Variants in SLC2A13 observed in about 807,000 individuals in gnomAD.
The protein encoded by SLC2A13 is proton myo-inositol cotransporter.
SLC2A13 carries 32 observed loss-of-function variants against 64.4 expected under a neutral mutation model. The ratio of observed to expected loss-of-function variants is 0.50; its 90% CI spans 0.37 to 0.67. The LOEUF (loss-of-function observed/expected upper bound fraction) is 0.67, where lower values mean the gene tolerates loss of function less well. Ranked by LOEUF, SLC2A13 falls within the 30% of genes least tolerant of loss-of-function variation. The pLI, the probability that SLC2A13 is intolerant of heterozygous loss-of-function variation, is 0.00. For missense variants in SLC2A13, 743 were observed against 829.2 expected, an observed-to-expected ratio of 0.90 and a Z score of 1.28; for synonymous variants, 338 against 327.1, an observed-to-expected ratio of 1.03 and a Z score of -0.36.
intron 4 of SLC2A13, among the ~76,000 whole-genome samples, chr12:39,912,161 C>A (rs571325226): frequency 3.9e-4 from 60 of 152,154 alleles, no homozygotes; most frequent in Non-Finnish European, 7.2e-4. Flanking sequence ...TCCAAAGGTT[C>A]TGATCATTTA....
At chr12:40,099,812 G>T (rs563858418) in intron 1 of SLC2A13, among the ~76,000 whole-genome samples, 1 of 151,968 alleles carries the variant, frequency 6.6e-6, no homozygotes, top group East Asian at 1.9e-4. Context: ...GGCTTTATGT[G>T]TCAGTTTCAC....
rs1592155294 is a variant in SLC2A13 at position 39,806,949 on chromosome 12, G to GA, written c.1445+23153dup. 2.6e-5 allele frequency among the ~76,000 whole-genome samples: 4 copies of GA among 152,008 alleles called. No individual in the cohort carries two copies. In the East Asian group the frequency reaches 7.7e-4, roughly 29 times the overall value. On this transcript the variant is annotated intron_variant, in intron 7 of 9. Coordinates refer to ENST00000280871, the MANE Select transcript of SLC2A13 (RefSeq NM_052885.4). ...ATGAATCTCCAGAGAATTATGCTGA[G>GA]AAAAAAGCCAGTCCCCAAAGATTAC...
intron 1 of SLC2A13, among the ~76,000 whole-genome samples, chr12:40,061,448 A>T (rs1035502501): frequency 1.3e-5 from 2 of 152,130 alleles, no homozygotes; most frequent in Admixed American, 6.6e-5. Flanking sequence ...GAGGCAAAAA[A>T]CATAACTAGA....
At position 39,759,846 on chromosome 12, in the gene SLC2A13, T is replaced by C. The variant is rs1007607376; in HGVS notation, c.*180A>G. The C allele has an allele frequency of 2.7e-5, 15 of 565,288 alleles. No homozygotes were observed. The highest frequency in any genetic ancestry group is 2.5e-4 in the African/African-American group (13 of 52,934). The allele number at this position is 565,288 out of a possible 1,614,324, so 35.0% of individuals were successfully genotyped here. ...TAAATATTTTTTAAAATATTGTTCC[T>C]TGTGGAAAAAAAAAGTCATCATGGT... On this transcript the variant is annotated 3_prime_UTR_variant, in exon 10 of 10. Transcript: ENST00000280871.
chr12:39,894,459 T>G (rs1944688700), intron 4 of SLC2A13, among the ~76,000 whole-genome samples: 1 of 152,176 alleles, frequency 6.6e-6, no homozygotes, highest in Non-Finnish European at 1.5e-5. Context: ...AAGGACTTAC[T>G]CAATATAAAG....
chr12:39,860,430 C>T (rs1943728182), intron 6 of SLC2A13, among the ~76,000 whole-genome samples: 1 of 152,140 alleles, frequency 6.6e-6, no homozygotes. Flanking sequence ...TAGTTGTGAA[C>T]AAGATGTTGC....
At chr12:39,908,971 A>G (rs560230097) in intron 4 of SLC2A13, among the ~76,000 whole-genome samples, 3 of 151,840 alleles carry the variant, frequency 2.0e-5, no homozygotes, top group Non-Finnish European at 4.4e-5. Flanking sequence ...AGGATTTAAA[A>G]AATTAATAAG....
At chr12:40,027,841 G>A (rs1947841492) in intron 3 of SLC2A13, among the ~76,000 whole-genome samples, 1 of 152,144 alleles carries the variant, frequency 6.6e-6, no homozygotes, top group African/African-American at 2.4e-5. Context: ...GAATTGTTTG[G>A]TACATTTCTA....
chr12:39,859,776 T>A (rs1191352537), intron 6 of SLC2A13, among the ~76,000 whole-genome samples: 1 of 152,160 alleles, frequency 6.6e-6, no homozygotes, highest in Admixed American at 6.5e-5. Flanking sequence ...TCCGCCTGAC[T>A]TGGCCTCCCA....
rs375663798 is a variant in SLC2A13 at position 39,799,403 on chromosome 12, C to A, written c.1445+30700G>T. On this transcript the variant is annotated intron_variant, in intron 7 of 9. Transcript: ENST00000280871. ...GGAATTACAGGCATGAGCCACTAAG[C>A]TCAGTCTGTTCTGTTCTTTAATCTC... 5.7e-4 allele frequency among the ~76,000 whole-genome samples: 86 copies of A among 151,992 alleles called. No homozygotes were observed. In the South Asian group the frequency reaches 0.018, roughly 31 times the overall value.
chr12:39,886,176 C>T (rs1944460611), intron 4 of SLC2A13, among the ~76,000 whole-genome samples: 1 of 152,122 alleles, frequency 6.6e-6, no homozygotes, highest in South Asian at 2.1e-4. Context: ...AATTTTTTAA[C>T]AGCAGAGGAA....
At chr12:39,764,692 G>A (rs1940285378) in intron 8 of SLC2A13, 45 bp downstream of exon 8, 1 of 1,594,272 alleles carries the variant, frequency 6.3e-7, no homozygotes, top group African/African-American at 1.4e-5. Flanking sequence ...ACTCCAAAAA[G>A]AGGCAATTCA....
intron 5 of SLC2A13, among the ~76,000 whole-genome samples, chr12:39,867,815 A>T (rs992694825): frequency 6.6e-5 from 10 of 152,170 alleles, no homozygotes; most frequent in African/African-American, 1.7e-4. Flanking sequence ...CAACCTCTGA[A>T]TCAGAGTCTC....
chr12:39,941,872 T>C (rs892509853), intron 4 of SLC2A13, among the ~76,000 whole-genome samples: 3 of 152,252 alleles, frequency 2.0e-5, no homozygotes, highest in Non-Finnish European at 2.9e-5. Flanking sequence ...TAATCCATTT[T>C]GAGTTGATTT....
chr12:39,920,878 T>C (rs1367125440), intron 4 of SLC2A13, among the ~76,000 whole-genome samples: 1 of 152,042 alleles, frequency 6.6e-6, no homozygotes, highest in African/African-American at 2.4e-5. Context: ...TGCCAAAAGC[T>C]AGCGACACAT....
chr12:39,910,399 TGAG>T (rs1945403248), intron 4 of SLC2A13, among the ~76,000 whole-genome samples: 1 of 152,152 alleles, frequency 6.6e-6, no homozygotes, highest in Non-Finnish European at 1.5e-5. Context: ...AGGTTTTTTT[TGAG>T]GATATAACCA....
At chr12:40,022,714 T>C (rs1213017442) in intron 3 of SLC2A13, among the ~76,000 whole-genome samples, 1 of 152,072 alleles carries the variant, frequency 6.6e-6, no homozygotes, top group Non-Finnish European at 1.5e-5. Context: ...GGTGCATGCC[T>C]GTAGTCCCAG....
chr12:39,913,243 A>G, intron 4 of SLC2A13, among the ~76,000 whole-genome samples: 1 of 152,108 alleles, frequency 6.6e-6, no homozygotes, highest in East Asian at 1.9e-4. Flanking sequence ...AGACAGATTA[A>G]CTTTTACACA....
chr12:40,103,920 C>A (rs994881028), intron 1 of SLC2A13, among the ~76,000 whole-genome samples: 1 of 152,190 alleles, frequency 6.6e-6, no homozygotes, highest in Admixed American at 6.5e-5. Flanking sequence ...CTTTGCCCTA[C>A]CTTTGCTAAT....
Sources: allele counts gnomAD v4.1 joint callset (sites outside exome capture counted in the v4.1 genomes callset), GRCh38; gene constraint gnomAD v4.1.1; transcripts MANE v1.5; gene names NCBI Gene and HGNC (gene_info 2026-07-23, HGNC 2026-07-21).